Variants in CSMD3 observed in about 807,000 individuals in gnomAD.
CSMD3 encodes CUB and Sushi multiple domains 3.
In CSMD3, 177 loss-of-function variants were observed where a neutral mutation model predicts 435.2. That is an observed-to-expected ratio of 0.41 (90% CI 0.36 to 0.46). The LOEUF (loss-of-function observed/expected upper bound fraction) is 0.46, where lower values mean the gene tolerates loss of function less well. CSMD3 is among the 20% of genes least tolerant of loss of function. The pLI is 0.34. For missense variants in CSMD3, 4,265 were observed against 4,504.6 expected, an observed-to-expected ratio of 0.95 and a Z score of 1.52; for synonymous variants, 1,656 against 1,520.5, an observed-to-expected ratio of 1.09 and a Z score of -2.07.
intron 18 of CSMD3, among the ~76,000 whole-genome samples, chr8:112,651,007 C>T (rs987536480): frequency 2.0e-5 from 3 of 152,126 alleles, no homozygotes; most frequent in African/African-American, 7.2e-5. Context: ...GTGTCCTGTG[C>T]ATTGGAGTAC....
intron 10 of CSMD3, among the ~76,000 whole-genome samples, chr8:112,913,140 CCCTAGTACCCTA>C (rs1318079432): frequency 3.7e-4 from 56 of 152,054 alleles, no homozygotes; most frequent in African/African-American, 1.3e-3. Context: ...CCTTAACAAT[CCCTAGTACCCTA>C]GAGCAGTGGT....
intron 49 of CSMD3, among the ~76,000 whole-genome samples, chr8:112,312,118 T>C (rs1320483033): frequency 6.6e-6 from 1 of 152,244 alleles, no homozygotes; most frequent in African/African-American, 2.4e-5. Context: ...TCATGTATCA[T>C]GAATTTAATG....
At chr8:112,665,861 G>A (rs1052286227) in intron 17 of CSMD3, among the ~76,000 whole-genome samples, 2 of 152,078 alleles carry the variant, frequency 1.3e-5, no homozygotes, top group Non-Finnish European at 2.9e-5. Flanking sequence ...AGGACTTATA[G>A]GTGAAAGCAT....
At chr8:113,430,550 T>A (rs1362679341) in intron 1 of CSMD3, among the ~76,000 whole-genome samples, 2 of 152,178 alleles carry the variant, frequency 1.3e-5, no homozygotes, top group Non-Finnish European at 2.9e-5. Flanking sequence ...GATGACTTGT[T>A]TAAACCATCA....
intron 10 of CSMD3, among the ~76,000 whole-genome samples, chr8:112,897,229 C>A: frequency 6.6e-6 from 1 of 151,386 alleles, no homozygotes; most frequent in Admixed American, 6.6e-5. Flanking sequence ...GTGTGCTTGT[C>A]TTTTCACCCT....
intron 6 of CSMD3, among the ~76,000 whole-genome samples, chr8:112,986,904 T>C (rs960178590): frequency 1.3e-5 from 2 of 152,018 alleles, no homozygotes; most frequent in Non-Finnish European, 2.9e-5. Context: ...TCTCAATAGA[T>C]AGATAATTAG....
chr8:112,475,772 T>C (rs1818985097), intron 31 of CSMD3, among the ~76,000 whole-genome samples: 1 of 152,174 alleles, frequency 6.6e-6, no homozygotes. Context: ...ACTTTCTGTT[T>C]TAATGTCATC....
At chr8:112,870,783 A>G (rs1270330064) in intron 10 of CSMD3, among the ~76,000 whole-genome samples, 2 of 152,148 alleles carry the variant, frequency 1.3e-5, no homozygotes, top group Non-Finnish European at 2.9e-5. Context: ...GATTAATAAG[A>G]CAATCAAAGT....
At chr8:113,022,422 A>G (rs2086715734) in intron 5 of CSMD3, among the ~76,000 whole-genome samples, 1 of 152,046 alleles carries the variant, frequency 6.6e-6, no homozygotes, top group Non-Finnish European at 1.5e-5. Flanking sequence ...TGGAAATATG[A>G]TAGTAAGCAA....
At chr8:113,271,550 A>C (rs1670244632) in intron 3 of CSMD3, among the ~76,000 whole-genome samples, 1 of 152,184 alleles carries the variant, frequency 6.6e-6, no homozygotes, top group African/African-American at 2.4e-5. Context: ...GGTGAACAGA[A>C]GCCAAGAATT....
At chr8:113,049,282 C>T (rs993522020) in intron 5 of CSMD3, among the ~76,000 whole-genome samples, 20 of 152,060 alleles carry the variant, frequency 1.3e-4, no homozygotes, top group African/African-American at 4.6e-4. Context: ...AGCTTTTATA[C>T]TCTGAACACT....
chr8:112,314,717 A>G (rs955945856), intron 47 of CSMD3, 100 bp from the exon 48 acceptor site: 3 of 789,880 alleles, frequency 3.8e-6, no homozygotes, highest in Non-Finnish European at 6.6e-6. Context: ...TTCAATAGCT[A>G]TAAGGATGAT....
rs149982456 is a variant in CSMD3, at chr8:112,913,199, A to G, written c.1633+8428T>C. ...TAGGCACCAGGGACTGGTTTGGTGG[A>G]AGATAATTATTCCATGGACTCGGGG... On this transcript the variant is annotated intron_variant, in intron 10 of 70. Transcript: ENST00000297405. Among the ~76,000 whole-genome samples, 458 of 152,014 alleles carry G rather than the reference A, an allele frequency of 3.0e-3. 1 individual carries two copies. Among genetic ancestry groups the G allele is most frequent in the Middle Eastern group, 6.8e-3 (2 of 294 alleles).
intron 5 of CSMD3, among the ~76,000 whole-genome samples, chr8:113,030,712 A>T (rs2131236939): frequency 6.6e-6 from 1 of 151,558 alleles, no homozygotes; most frequent in Non-Finnish European, 1.5e-5. Flanking sequence ...AAGATACTGA[A>T]TAAGAAGATG....
chr8:113,326,858 A>G (rs555708595), intron 1 of CSMD3, among the ~76,000 whole-genome samples: 1 of 152,236 alleles, frequency 6.6e-6, no homozygotes, highest in African/African-American at 2.4e-5. Flanking sequence ...TTGATATTTG[A>G]GTCAATTTAG....
At chr8:112,573,227 C>T (rs1008514696) in intron 24 of CSMD3, among the ~76,000 whole-genome samples, 8 of 152,016 alleles carry the variant, frequency 5.3e-5, no homozygotes, top group Non-Finnish European at 1.0e-4. Context: ...GAATAGAATC[C>T]TGCTACTTAA....
intron 2 of CSMD3, chr8:113,310,653 AC>A (rs1232394810): frequency 6.6e-6 from 1 of 151,898 alleles, no homozygotes; most frequent in African/African-American, 2.4e-5. Context: ...GTCTGGGAAG[AC>A]TGAGAGGTAA....
At chr8:112,812,740 T>A (rs1025523568) in intron 12 of CSMD3, among the ~76,000 whole-genome samples, 1 of 152,184 alleles carries the variant, frequency 6.6e-6, no homozygotes, top group Non-Finnish European at 1.5e-5. Context: ...ATTTAAAAAA[T>A]GCTTCTTTAA....
chr8:112,893,746 C>G lies in CSMD3; in HGVS notation c.1633+27881G>C, dbSNP rs185535508. On this transcript the variant is annotated intron_variant, in intron 10 of 70. Coordinates refer to ENST00000297405, the MANE Select transcript of CSMD3 (RefSeq NM_198123.2). ...ATAGTGTGATTTTAAATTTTGTGTT[C>G]TTCTTACATTCAGTTTAGTTTCCTT... Among the ~76,000 whole-genome samples, 4 of 151,482 alleles carry G rather than the reference C, an allele frequency of 2.6e-5. No homozygotes were observed. In the East Asian group the frequency reaches 7.8e-4, roughly 30 times the overall value.
Sources: gnomAD v4.1 joint callset for allele counts (sites outside exome capture counted in the v4.1 genomes callset) on GRCh38, gnomAD v4.1.1 for gene constraint, MANE v1.5 for transcripts, NCBI Gene and HGNC (gene_info 2026-07-23, HGNC 2026-07-21) for gene names.